RNGTT: variants seen among roughly 807,000 people sequenced by gnomAD.
RNGTT encodes mRNA-capping enzyme.
A neutral mutation model predicts 79.3 loss-of-function variants in RNGTT; 33 were observed. The observed-to-expected ratio is 0.42, with a 90% CI of 0.32 to 0.56. The LOEUF is 0.56. Among genes scored for constraint, RNGTT ranks in the 20% least tolerant of loss-of-function variants. The pLI, the probability that RNGTT is intolerant of heterozygous loss-of-function variation, is 0.17. For missense variants in RNGTT, 497 were observed against 739.1 expected, an observed-to-expected ratio of 0.67 and a Z score of 3.80; for synonymous variants, 222 against 235.9, an observed-to-expected ratio of 0.94 and a Z score of 0.54.
At chr6:88,785,580 C>T (rs1484281825) in intron 12 of RNGTT, among the ~76,000 whole-genome samples, 1 of 152,060 alleles carries the variant, frequency 6.6e-6, no homozygotes, top group Non-Finnish European at 1.5e-5. Context: ...AAAAGTAACA[C>T]ATTTTGAGAA....
chr6:88,837,344 C>T (rs922466700), intron 11 of RNGTT, among the ~76,000 whole-genome samples: 62 of 152,228 alleles, frequency 4.1e-4, no homozygotes, highest in African/African-American at 8.2e-4. Context: ...CTGTAGTGAG[C>T]TATAATTGTG....
intron 1 of RNGTT, among the ~76,000 whole-genome samples, chr6:88,955,091 C>T (rs1447306035): frequency 6.6e-6 from 1 of 151,860 alleles, no homozygotes; most frequent in Non-Finnish European, 1.5e-5. Flanking sequence ...TAAAACTATA[C>T]AAATACATGG....
At chr6:88,618,597 T>C (rs1270197673) in intron 14 of RNGTT, among the ~76,000 whole-genome samples, 4 of 152,222 alleles carry the variant, frequency 2.6e-5, no homozygotes, top group African/African-American at 9.6e-5. Flanking sequence ...TTCACATCTG[T>C]ACCCCAAATT....
At chr6:88,782,958 T>C (rs557297579) in intron 12 of RNGTT, among the ~76,000 whole-genome samples, 1 of 152,254 alleles carries the variant, frequency 6.6e-6, no homozygotes, top group East Asian at 1.9e-4. Flanking sequence ...TGTAAATTGG[T>C]ACAGCCCATT....
chr6:88,876,072 G>A (rs1265415492), intron 8 of RNGTT, among the ~76,000 whole-genome samples: 4 of 151,370 alleles, frequency 2.6e-5, no homozygotes, highest in Non-Finnish European at 5.9e-5. Flanking sequence ...GCAAAGATGG[G>A]TATAAGAAGA....
intron 2 of RNGTT, among the ~76,000 whole-genome samples, chr6:88,935,487 G>A (rs369786203): frequency 3.6e-4 from 55 of 152,256 alleles, no homozygotes; most frequent in African/African-American, 1.3e-3. Flanking sequence ...GCCAAGGTGG[G>A]AGAACTGCTT....
chr6:88,612,802 C>T lies in RNGTT; in HGVS notation c.1711G>A (p.Gly571Arg). The T allele has an allele frequency of 2.5e-6, 4 of 1,613,590 alleles. No individual in the cohort carries two copies. The highest frequency in any genetic ancestry group is 3.4e-6 in the Non-Finnish European group (4 of 1,179,922). ...FIDRCTAASQ[G>R]QKRKHHLDPD... ...TCCAGATGATGTTTTCGCTTCTGTC[C>T]TTGAGAAGCTGCAGTACATCTGTCG... is the stretch of plus-strand genomic sequence containing the variant. The change falls in exon 16 of 16, where the codon GGA becomes AGA. Residue 571 changes from glycine (G) to arginine (R), a missense_variant. Gly to Arg is a moderately radical substitution (Grantham distance 125). Around this residue, in one of 3 missense-constraint regions of RNGTT, gnomAD observed 53 missense variants for 50.5 expected, o/e 1.05. Transcript: ENST00000369485.
chr6:88,689,357 T>C (rs1276960140), intron 13 of RNGTT, among the ~76,000 whole-genome samples: 31 of 152,124 alleles, frequency 2.0e-4, no homozygotes. Flanking sequence ...CCCAGCACTT[T>C]GGGAGGTGGG....
intron 8 of RNGTT, among the ~76,000 whole-genome samples, chr6:88,884,851 T>C (rs976601744): frequency 3.3e-5 from 5 of 152,326 alleles, no homozygotes; most frequent in African/African-American, 1.2e-4. Context: ...TCTATTCAAA[T>C]GGATTTCTCA....
intron 13 of RNGTT, among the ~76,000 whole-genome samples, chr6:88,694,992 G>A (rs1354998543): frequency 1.3e-5 from 2 of 152,090 alleles, no homozygotes; most frequent in African/African-American, 4.8e-5. Flanking sequence ...TGCCCAGTCT[G>A]TGGTATTTTG....
chr6:88,779,013 G>A (rs1778978439), intron 12 of RNGTT, among the ~76,000 whole-genome samples: 1 of 152,106 alleles, frequency 6.6e-6, no homozygotes, highest in African/African-American at 2.4e-5. Context: ...TGTTGAAACT[G>A]CAACATTTTC....
intron 1 of RNGTT, among the ~76,000 whole-genome samples, chr6:88,958,329 G>A (rs1785502227): frequency 6.6e-6 from 1 of 152,088 alleles, no homozygotes; most frequent in South Asian, 2.1e-4. Flanking sequence ...TCGTGACCAA[G>A]AACCCAAAAG....
At chr6:88,940,830 T>C (rs1562063043) in intron 2 of RNGTT, among the ~76,000 whole-genome samples, 4 of 152,078 alleles carry the variant, frequency 2.6e-5, no homozygotes, top group South Asian at 4.1e-4. Context: ...AGATCTGCAA[T>C]CAGTTAACAG....
intron 8 of RNGTT, among the ~76,000 whole-genome samples, chr6:88,883,484 G>A (rs1782756772): frequency 6.6e-6 from 1 of 152,140 alleles, no homozygotes; most frequent in African/African-American, 2.4e-5. Context: ...GTCACTATCA[G>A]GATGACATAC....
chr6:88,800,682 A>G (rs1216990987), intron 12 of RNGTT, among the ~76,000 whole-genome samples: 1 of 152,214 alleles, frequency 6.6e-6, no homozygotes. Context: ...GTTTCTACTC[A>G]ATAGGTGTGG....
At chr6:88,842,664 AATC>A (rs1049340205) in intron 11 of RNGTT, among the ~76,000 whole-genome samples, 4 of 152,226 alleles carry the variant, frequency 2.6e-5, no homozygotes, top group African/African-American at 9.6e-5. Flanking sequence ...CATCAGACAA[AATC>A]ATAGCAATAT....
At position 88,891,863 on chromosome 6, in the gene RNGTT, G is replaced by A. The variant is rs1783060508; in HGVS notation, c.737C>T (p.Thr246Ile). Residue 246 changes from threonine to isoleucine, a missense_variant, in exon 7 of 16, where the codon ACA (threonine) becomes ATA (isoleucine). Transcript: ENST00000369485. ...VTVKGVTQVTTQPKLGEVQQK... is the reference protein window; with the variant it reads ...VTVKGVTQVTIQPKLGEVQQK... ...CTGTACCTCTCCTAACTTTGGTTGT[G>A]TTGTTACTTGAGTTACACCTTTAAC... 2 of 1,604,080 alleles carry A rather than the reference G, an allele frequency of 1.2e-6. No homozygotes were observed. Among genetic ancestry groups the A allele is most frequent in the Non-Finnish European group, 1.7e-6 (2 of 1,175,298 alleles).
intron 11 of RNGTT, among the ~76,000 whole-genome samples, chr6:88,805,572 G>T (rs1354513580): frequency 6.6e-6 from 1 of 152,194 alleles, no homozygotes; most frequent in Non-Finnish European, 1.5e-5. Flanking sequence ...ATAAAAAGCA[G>T]AAAGACTTGG....
chr6:88,939,361 G>C (rs1784773813), intron 2 of RNGTT, among the ~76,000 whole-genome samples: 1 of 152,044 alleles, frequency 6.6e-6, no homozygotes, highest in Non-Finnish European at 1.5e-5. Context: ...CAAGTTCTGA[G>C]ATTCTTTCTT....
Sources: gnomAD v4.1 joint callset for allele counts (sites outside exome capture counted in the v4.1 genomes callset) on GRCh38, gnomAD v4.1.1 for gene constraint, gnomAD v4.1.1 regional missense constraint, MANE v1.5 for transcripts, NCBI Gene and HGNC (gene_info 2026-07-23, HGNC 2026-07-21) for gene names.